DENND1B: variants seen among roughly 807,000 people sequenced by gnomAD.
The protein encoded by DENND1B is DENN domain containing 1B, also known as DENN domain-containing protein 1B.
DENND1B carries 59 observed loss-of-function variants against 90.1 expected under a neutral mutation model. The observed-to-expected ratio is 0.65, with a 90% CI of 0.53 to 0.81. The LOEUF (loss-of-function observed/expected upper bound fraction) is 0.81. DENND1B is among the 40% of genes least tolerant of loss of function. The pLI is 0.00. For missense variants in DENND1B, 862 were observed against 912.6 expected (o/e 0.94, Z 0.71); for synonymous variants, 337 against 324.6 (o/e 1.04, Z -0.41).
chr1:197,546,782 T>C lies in DENND1B; in HGVS notation c.1241-9A>G, dbSNP rs1486011165. On this transcript the variant is annotated splice_polypyrimidine_tract_variant and intron_variant, in intron 16 of 22. Coordinates refer to ENST00000620048, the MANE Select transcript of DENND1B (RefSeq NM_001195215.2). ...ATATGACCTCGGGTTCCCTGGAATA[T>C]ATAAAAATGAGATGCCAGGAATGGT... The C allele has an allele frequency of 3.2e-6, 5 of 1,542,022 alleles. No homozygotes were observed. The highest frequency in any genetic ancestry group is 2.5e-5 in the South Asian group (2 of 81,106).
At chr1:197,629,394 G>T (rs1489608292) in intron 10 of DENND1B, among the ~76,000 whole-genome samples, 2 of 151,952 alleles carry the variant, frequency 1.3e-5, no homozygotes, top group South Asian at 2.1e-4. Flanking sequence ...GGATGAAACT[G>T]GAAATCATGA....
chr1:197,669,291 T>C (rs1053444421), intron 5 of DENND1B, among the ~76,000 whole-genome samples: 1 of 152,090 alleles, frequency 6.6e-6, no homozygotes, highest in Non-Finnish European at 1.5e-5. Flanking sequence ...TATAGCTTTA[T>C]CCATCCTTTC....
At chr1:197,655,779 G>A (rs147095124) in intron 6 of DENND1B, among the ~76,000 whole-genome samples, 1,620 of 152,106 alleles carry the variant, frequency 0.011, 17 homozygotes, top group Admixed American at 0.02. Context: ...TGATCCGCCC[G>A]CCTCGGCCTC....
chr1:197,605,187 GTCTCT>G (rs1193288178), intron 13 of DENND1B, among the ~76,000 whole-genome samples: 5 of 150,702 alleles, frequency 3.3e-5, no homozygotes, highest in African/African-American at 1.2e-4. Context: ...TAACAAGATA[GTCTCT>G]TCTGTCATTT....
At chr1:197,514,171 T>C (rs1668238105) in intron 20 of DENND1B, among the ~76,000 whole-genome samples, 1 of 151,688 alleles carries the variant, frequency 6.6e-6, no homozygotes. Context: ...GCTAAAGAAT[T>C]ATGCTTTTCT....
At chr1:197,752,377 T>C (rs1173928850) in intron 2 of DENND1B, among the ~76,000 whole-genome samples, 1 of 152,054 alleles carries the variant, frequency 6.6e-6, no homozygotes, top group Admixed American at 6.5e-5. Flanking sequence ...ATTTATCTGC[T>C]AAAGAATTTG....
At chr1:197,624,497 T>A (rs563102227) in intron 10 of DENND1B, among the ~76,000 whole-genome samples, 3 of 151,626 alleles carry the variant, frequency 2.0e-5, no homozygotes, top group African/African-American at 7.3e-5. Flanking sequence ...AAAATCTACA[T>A]GAACTAGGGC....
chr1:197,626,844 A>T (rs1678791260), intron 10 of DENND1B, among the ~76,000 whole-genome samples: 1 of 152,166 alleles, frequency 6.6e-6, no homozygotes, highest in Admixed American at 6.6e-5. Flanking sequence ...GATAAAGAGG[A>T]TATCACCACC....
At chr1:197,766,836 C>A (rs1204689039) in intron 2 of DENND1B, among the ~76,000 whole-genome samples, 2 of 152,080 alleles carry the variant, frequency 1.3e-5, no homozygotes, top group Non-Finnish European at 2.9e-5. Flanking sequence ...GTCACCTAGA[C>A]TGGAATGCAG....
intron 2 of DENND1B, among the ~76,000 whole-genome samples, chr1:197,721,947 A>C (rs1032846297): frequency 2.6e-5 from 4 of 152,160 alleles, no homozygotes; most frequent in Non-Finnish European, 5.9e-5. Flanking sequence ...ATGTGTACAC[A>C]AGATATACTG....
intron 2 of DENND1B, among the ~76,000 whole-genome samples, chr1:197,718,128 T>C (rs575154064): frequency 6.6e-6 from 1 of 152,154 alleles, no homozygotes; most frequent in South Asian, 2.1e-4. Context: ...CTTTCTTTAT[T>C]GAGATGTGAG....
intron 2 of DENND1B, among the ~76,000 whole-genome samples, chr1:197,745,598 C>T (rs1425090936): frequency 2.1e-5 from 3 of 142,528 alleles, no homozygotes; most frequent in Admixed American, 1.4e-4. Flanking sequence ...TCACTGATAA[C>T]AGATCACCAT....
intron 10 of DENND1B, among the ~76,000 whole-genome samples, chr1:197,627,364 C>G (rs1180355904): frequency 2.0e-5 from 3 of 152,134 alleles, no homozygotes; most frequent in Non-Finnish European, 4.4e-5. Flanking sequence ...ATATGCCAGG[C>G]TGGTTCAATA....
rs531048464 is a variant in DENND1B at position 197,734,280 on chromosome 1, A to G, written c.83-19206T>C. 15 of 933,366 alleles carry G rather than the reference A, an allele frequency of 1.6e-5. No individual in the cohort carries two copies. In the Admixed American group the frequency reaches 3.7e-4, roughly 23 times the overall value. 57.8% of individuals were successfully genotyped at this position (933,366 alleles called of 1,614,324 possible). A position where few individuals can be genotyped will look rare whatever the true frequency, so the allele number is the denominator to read the frequency against. On this transcript the variant is annotated intron_variant, in intron 2 of 22. Coordinates refer to ENST00000620048, the MANE Select transcript of DENND1B (RefSeq NM_001195215.2). ...ACTATCTGTAAATTTTTTAACCTGT[A>G]AAAAGTTAAACACATTAGATAAATT...
chr1:197,632,736 A>G (rs1431202908), intron 10 of DENND1B, among the ~76,000 whole-genome samples: 1 of 152,170 alleles, frequency 6.6e-6, no homozygotes, highest in African/African-American at 2.4e-5. Context: ...ACTCCTTCCT[A>G]TTTAACAGAA....
rs377422294 is a variant in DENND1B, at chr1:197,595,202, G to A, written c.1047+6C>T. On this transcript the variant is annotated splice_donor_region_variant and intron_variant, in intron 14 of 22. Coordinates refer to ENST00000620048, the MANE Select transcript of DENND1B (RefSeq NM_001195215.2). ...AATTAAAACAGTGATGAAACAAAAC[G>A]CTTACAGGTTTGTATCTCAGTGCAT... 6 of 1,605,870 alleles carry A rather than the reference G, an allele frequency of 3.7e-6. No individual in the cohort carries two copies. Among genetic ancestry groups the A allele is most frequent in the East Asian group, 2.2e-5 (1 of 44,486 alleles).
intron 10 of DENND1B, among the ~76,000 whole-genome samples, chr1:197,618,332 A>C (rs771397094): frequency 2.4e-4 from 36 of 151,196 alleles, no homozygotes; most frequent in Non-Finnish European, 4.4e-4. Context: ...TCACTGACAC[A>C]TAGAATGTCA....
chr1:197,649,779 C>T, intron 7 of DENND1B, among the ~76,000 whole-genome samples: 1 of 152,092 alleles, frequency 6.6e-6, no homozygotes, highest in Non-Finnish European at 1.5e-5. Context: ...GAATAAAACA[C>T]TGGAAAAACC....
chr1:197,556,344 T>C (rs1275205837), intron 15 of DENND1B, among the ~76,000 whole-genome samples: 1 of 152,010 alleles, frequency 6.6e-6, no homozygotes, highest in Non-Finnish European at 1.5e-5. Flanking sequence ...TATGTACCTC[T>C]GAGTCTAAAA....
Sources: allele counts gnomAD v4.1 joint callset (sites outside exome capture counted in the v4.1 genomes callset), GRCh38; gene constraint gnomAD v4.1.1; transcripts MANE v1.5; gene names NCBI Gene and HGNC (gene_info 2026-07-23, HGNC 2026-07-21).